The following KHDRBS3 variants were observed in gnomAD, a reference collection of about 807,000 sequenced individuals.
KHDRBS3 encodes the protein KH RNA binding domain containing, signal transduction associated 3.
In KHDRBS3, 23 loss-of-function variants were observed where a neutral mutation model predicts 45.6. The observed-to-expected ratio is 0.50, with a 90% CI of 0.36 to 0.72. KHDRBS3 has a LOEUF of 0.72. Among genes scored for constraint, KHDRBS3 ranks in the 30% least tolerant of loss-of-function variants. KHDRBS3 has a pLI of 0.00. For synonymous variants in KHDRBS3, 162 were observed against 156.5 expected, an observed-to-expected ratio of 1.04 and a Z score of -0.26; for missense variants, 352 against 424.8, an observed-to-expected ratio of 0.83 and a Z score of 1.51.
rs148023265 is a variant in KHDRBS3, at chr8:135,555,892, C to T, written c.472-1556C>T. Among the ~76,000 whole-genome samples, 11 of 152,274 alleles carry T rather than the reference C, an allele frequency of 7.2e-5. No homozygotes were observed. In the East Asian group the frequency reaches 1.9e-3, roughly 27 times the overall value. The stretch of plus-strand genomic sequence containing the variant: ...AAATGTTATCCCTCCCCTAGCCCCC[C>T]ATCCCTCGACAGGAGCTGGTATGTG... On this transcript the variant is annotated intron_variant, in intron 4 of 8. Coordinates refer to ENST00000355849, the MANE Select transcript of KHDRBS3 (RefSeq NM_006558.3).
chr8:135,458,706 C>T (rs556798044), intron 1 of KHDRBS3: 1 of 372,086 alleles, frequency 2.7e-6, no homozygotes, highest in South Asian at 2.0e-5. Flanking sequence ...GGGTGACCCT[C>T]ATTGGTGGCT....
At chr8:135,621,638 C>T (rs972515332) in intron 7 of KHDRBS3, among the ~76,000 whole-genome samples, 1 of 151,370 alleles carries the variant, frequency 6.6e-6, no homozygotes, top group Non-Finnish European at 1.5e-5. Flanking sequence ...AGATTCTAAA[C>T]TGTTGTCAGT....
chr8:135,568,440 G>A (rs2317283), intron 5 of KHDRBS3, among the ~76,000 whole-genome samples: 121,123 of 152,094 alleles, frequency 0.8, 48,785 homozygotes, highest in East Asian at 0.96. Context: ...TTTAAAATCT[G>A]TAAACGTACT....
intron 7 of KHDRBS3, among the ~76,000 whole-genome samples, chr8:135,636,358 A>T (rs1563823163): frequency 6.6e-6 from 1 of 152,196 alleles, no homozygotes; most frequent in Non-Finnish European, 1.5e-5. Context: ...TTAAGTGAAA[A>T]TTCCTTAAAG....
At chr8:135,611,961 G>A (rs941706685) in intron 7 of KHDRBS3, among the ~76,000 whole-genome samples, 2 of 151,772 alleles carry the variant, frequency 1.3e-5, no homozygotes, top group East Asian at 3.9e-4. Flanking sequence ...AAATCATCAC[G>A]GCCATCATCT....
intron 7 of KHDRBS3, among the ~76,000 whole-genome samples, chr8:135,609,156 T>TTTACG (rs1475487161): frequency 2.2e-4 from 34 of 152,314 alleles, no homozygotes; most frequent in African/African-American, 7.9e-4. Flanking sequence ...CTGTAACTTC[T>TTTACG]TTACGTTATA....
chr8:135,606,760 C>T (rs1829483273), intron 6 of KHDRBS3, among the ~76,000 whole-genome samples, 195 bp from the exon 7 acceptor site: 1 of 152,152 alleles, frequency 6.6e-6, no homozygotes, highest in Non-Finnish European at 1.5e-5. Context: ...ACCATTTTTA[C>T]CAATTGCTCT....
intron 1 of KHDRBS3, among the ~76,000 whole-genome samples, chr8:135,488,456 C>A (rs976955893): frequency 6.6e-6 from 1 of 152,040 alleles, no homozygotes; most frequent in Non-Finnish European, 1.5e-5. Context: ...AGTTTGCAGA[C>A]CGACTTCAGA....
At chr8:135,630,746 A>C (rs577265678) in intron 7 of KHDRBS3, among the ~76,000 whole-genome samples, 10 of 152,226 alleles carry the variant, frequency 6.6e-5, no homozygotes, top group East Asian at 3.9e-4. Flanking sequence ...AACGTATCTA[A>C]ACATAGAAAA....
At chr8:135,500,279 AAGTGGT>A (rs1395218660) in intron 1 of KHDRBS3, among the ~76,000 whole-genome samples, 1 of 151,976 alleles carries the variant, frequency 6.6e-6, no homozygotes, top group African/African-American at 2.4e-5. Context: ...TTTGTAACTA[AAGTGGT>A]TAGAAGTAAT....
intron 4 of KHDRBS3, 21 bp from the exon 5 acceptor site, chr8:135,557,427 T>C: frequency 6.5e-7 from 1 of 1,542,268 alleles, no homozygotes; most frequent in Non-Finnish European, 8.8e-7. Flanking sequence ...TGAATTTTGC[T>C]ATCTTCTGTC....
chr8:135,487,958 A>G (rs1158280403), intron 1 of KHDRBS3, among the ~76,000 whole-genome samples: 2 of 151,952 alleles, frequency 1.3e-5, no homozygotes, highest in East Asian at 1.9e-4. Flanking sequence ...CAAAAATTAT[A>G]TCAAATCATT....
chr8:135,494,273 A>ATTTTTTTTTTTTTTTT (rs386414089), intron 1 of KHDRBS3, among the ~76,000 whole-genome samples: 1 of 78,624 alleles, frequency 1.3e-5, no homozygotes, highest in Non-Finnish European at 2.2e-5. Context: ...TGTTTCTCTT[A>ATTTTTTTTTTTTTTTT]TTTTTTTTTT....
At chr8:135,550,514 G>A (rs1010842935) in intron 4 of KHDRBS3, among the ~76,000 whole-genome samples, 2 of 152,054 alleles carry the variant, frequency 1.3e-5, no homozygotes, top group Non-Finnish European at 2.9e-5. Flanking sequence ...TAGTACCATT[G>A]TTGAAAATTG....
At chr8:135,632,513 C>G (rs142690346) in intron 7 of KHDRBS3, among the ~76,000 whole-genome samples, 1 of 152,040 alleles carries the variant, frequency 6.6e-6, no homozygotes, top group Admixed American at 6.5e-5. Flanking sequence ...AGACCTGTCT[C>G]CTGACCCCTA....
At chr8:135,462,274 G>A (rs915960169) in intron 1 of KHDRBS3, among the ~76,000 whole-genome samples, 6 of 149,784 alleles carry the variant, frequency 4.0e-5, no homozygotes, top group African/African-American at 1.5e-4. Flanking sequence ...ATCACTCACA[G>A]TGTTAGATAT....
chr8:135,566,050 C>T (rs1402207719), intron 5 of KHDRBS3, among the ~76,000 whole-genome samples: 1 of 152,180 alleles, frequency 6.6e-6, no homozygotes, highest in Non-Finnish European at 1.5e-5. Flanking sequence ...AATTTCATAT[C>T]TGTGGCTCTT....
At chr8:135,460,180 A>C (rs1008443516) in intron 1 of KHDRBS3, among the ~76,000 whole-genome samples, 5 of 152,114 alleles carry the variant, frequency 3.3e-5, no homozygotes, top group African/African-American at 1.2e-4. Flanking sequence ...TTTCTTATTT[A>C]GTTATATTTG....
chr8:135,533,355 T>C (rs1241632941), intron 2 of KHDRBS3, among the ~76,000 whole-genome samples: 2 of 152,210 alleles, frequency 1.3e-5, no homozygotes, highest in African/African-American at 2.4e-5. Context: ...CAGTTGGATA[T>C]GACAAGAACA....
Sources: gnomAD v4.1 joint callset for allele counts (sites outside exome capture counted in the v4.1 genomes callset) on GRCh38, gnomAD v4.1.1 for gene constraint, MANE v1.5 for transcripts, NCBI Gene and HGNC (gene_info 2026-07-23, HGNC 2026-07-21) for gene names.